Variants in REPS2 observed in about 807,000 individuals in gnomAD.
REPS2 encodes ralBP1-associated Eps domain-containing protein 2.
In REPS2, 23 loss-of-function variants were observed where a neutral mutation model predicts 53.6. The ratio of observed to expected loss-of-function variants is 0.43; its 90% CI spans 0.31 to 0.61. The LOEUF (loss-of-function observed/expected upper bound fraction) is 0.61, where lower values mean the gene tolerates loss of function less well. REPS2 is among the 20% of genes least tolerant of loss of function. REPS2 has a pLI of 0.11. For synonymous variants in REPS2, 238 were observed against 218.6 expected (o/e 1.09, Z -0.78); for missense variants, 446 against 534.9 (o/e 0.83, Z 1.64).
chrX:17,043,035 G>A (rs187412986), intron 5 of REPS2, among the ~76,000 whole-genome samples: 19 of 111,542 alleles, frequency 1.7e-4, no homozygotes, highest in African/African-American at 6.2e-4. Context: ...AGAGTCAAGT[G>A]GTCTGCCTGC....
chrX:17,112,991 C>G (rs1378390897), intron 14 of REPS2, among the ~76,000 whole-genome samples: 1 of 96,836 alleles, frequency 1.0e-5, no homozygotes, highest in Non-Finnish European at 2.0e-5. Flanking sequence ...ACTCGGGAGG[C>G]TGAGGCAGGA....
chrX:16,988,727 C>G (rs1412131426), intron 1 of REPS2, among the ~76,000 whole-genome samples: 1 of 111,276 alleles, frequency 9.0e-6, no homozygotes. Flanking sequence ...TACATTCACT[C>G]AAGAAATACT....
chrX:17,171,815 C>G, the REPS2 span, among the ~76,000 whole-genome samples: 3 of 111,401 alleles, frequency 2.7e-5, no homozygotes, highest in East Asian at 8.4e-4. Context: ...CGTGATCCAC[C>G]GCACCTGGCC....
chrX:17,162,612 C>T, the REPS2 span, among the ~76,000 whole-genome samples: 1 of 112,428 alleles, frequency 8.9e-6, no homozygotes, highest in Non-Finnish European at 1.9e-5. Context: ...TAACCAATGG[C>T]TTATAACAAT....
At chrX:16,968,155 G>C (rs1023427232) in intron 1 of REPS2, among the ~76,000 whole-genome samples, 14 of 111,216 alleles carry the variant, frequency 1.3e-4, no homozygotes, top group Non-Finnish European at 2.6e-4. Flanking sequence ...CACCGGGTTG[G>C]GGGTAAGGTC....
intron 2 of REPS2, among the ~76,000 whole-genome samples, chrX:17,011,573 A>C (rs1670349605): frequency 8.9e-6 from 1 of 112,295 alleles, no homozygotes; most frequent in Admixed American, 9.5e-5. Flanking sequence ...AATGGAAACC[A>C]ATTATACTGA....
At chrX:17,000,041 C>A (rs1007480089) in intron 1 of REPS2, among the ~76,000 whole-genome samples, 3 of 78,758 alleles carry the variant, frequency 3.8e-5, no homozygotes, top group African/African-American at 1.7e-4. Flanking sequence ...AGCGAGACTC[C>A]GTCTCAAAAA....
At position 17,149,859 on chromosome X, in the gene REPS2, T is replaced by C. The variant is rs932350395; in HGVS notation, c.*2378T>C. The C allele has an allele frequency of 9.0e-6, 1 of 111,633 alleles. No homozygotes were observed. The highest frequency in any genetic ancestry group is 9.5e-5 in the Admixed American group (1 of 10,518). The allele number at this position is 111,633 out of a possible 1,213,427, so 9.2% of individuals were successfully genotyped here. A position where few individuals can be genotyped will look rare whatever the true frequency, so the allele number is the denominator to read the frequency against. On this transcript the variant is annotated 3_prime_UTR_variant, in exon 18 of 18. Transcript: ENST00000357277. ...TGCCAGAGTGAGCCAGATTGGGAGGTTGGGGTTTTGTTTGGTTGGCTTGGT... is the reference window on the plus strand; with the variant it reads ...TGCCAGAGTGAGCCAGATTGGGAGGCTGGGGTTTTGTTTGGTTGGCTTGGT...
intron 5 of REPS2, among the ~76,000 whole-genome samples, chrX:17,030,666 C>G (rs1229519583): frequency 8.9e-6 from 1 of 112,157 alleles, no homozygotes; most frequent in Non-Finnish European, 1.9e-5. Flanking sequence ...TAGCCATAGG[C>G]TATTTTTTAT....
chrX:17,121,744 C>T (rs1441734622), intron 14 of REPS2, among the ~76,000 whole-genome samples: 4 of 110,803 alleles, frequency 3.6e-5, no homozygotes, highest in African/African-American at 1.3e-4. Flanking sequence ...CGGAGTCTCA[C>T]TCTGTCGCCC....
intron 5 of REPS2, among the ~76,000 whole-genome samples, chrX:17,045,192 C>G (rs2061890288): frequency 9.5e-6 from 1 of 105,474 alleles, no homozygotes; most frequent in African/African-American, 3.3e-5. Flanking sequence ...CTCAGCCTCC[C>G]AAAGTTCTGG....
At chrX:16,994,916 A>G (rs746490960) in intron 1 of REPS2, among the ~76,000 whole-genome samples, 18 of 112,272 alleles carry the variant, frequency 1.6e-4, no homozygotes, top group African/African-American at 5.8e-4. Flanking sequence ...TGAGAATCTG[A>G]CACTTTTAGC....
intron 4 of REPS2, among the ~76,000 whole-genome samples, chrX:17,027,659 GTTT>G (rs761592588): frequency 1.5e-5 from 1 of 67,283 alleles, no homozygotes; most frequent in East Asian, 6.7e-4. Context: ...AAATCTTTAG[GTTT>G]TTTTTTTTTT....
rs140703797 is a variant in REPS2 at position 17,128,565 on chromosome X, G to C, written c.1579-5259G>C. ...GCCAACACAGCACCTACTACAGTGG[G>C]CCTCCCCGTACCCATGTCCCAAGCA... On this transcript the variant is annotated intron_variant, in intron 14 of 17. Transcript: ENST00000357277. Among the ~76,000 whole-genome samples the C allele has an allele frequency of 6.2e-5, 7 of 112,030 alleles. No individual in the cohort carries two copies. The East Asian group carries it at 2.0e-3, about 31-fold the overall frequency.
chrX:17,003,285 A>G (rs1251161881), intron 1 of REPS2, among the ~76,000 whole-genome samples: 4 of 111,956 alleles, frequency 3.6e-5, no homozygotes, highest in African/African-American at 1.3e-4. Context: ...TTCAAAGATA[A>G]GGTTGGTCTT....
intron 5 of REPS2, among the ~76,000 whole-genome samples, chrX:17,043,509 C>T (rs758432229): frequency 2.8e-5 from 3 of 108,716 alleles, no homozygotes; most frequent in Non-Finnish European, 5.8e-5. Context: ...TTCTTGCCCC[C>T]CCCCCCGGCT....
intron 13 of REPS2, among the ~76,000 whole-genome samples, chrX:17,090,478 C>T (rs1424319895): frequency 9.0e-6 from 1 of 111,687 alleles, no homozygotes; most frequent in Non-Finnish European, 1.9e-5. Flanking sequence ...GTCCTTCCCA[C>T]AACACATGGG....
chrX:17,152,994 T>G lies in REPS2; in HGVS notation c.*5513T>G, dbSNP rs2063583603. 1 of 112,881 alleles carries G rather than the reference T, an allele frequency of 8.9e-6. No individual in the cohort carries two copies. The highest frequency in any genetic ancestry group is 1.9e-5 in the Non-Finnish European group (1 of 53,356). 9.3% of individuals were successfully genotyped at this position (112,881 alleles called of 1,213,427 possible). On this transcript the variant is annotated 3_prime_UTR_variant, in exon 18 of 18. Coordinates refer to ENST00000357277, the MANE Select transcript of REPS2 (RefSeq NM_004726.3). ...AACAGCAAAGTATATATTTGATGCC[T>G]TCTGTCTTTTCATGATAATGTGCTA...
At chrX:17,071,465 G>T (rs775283488) in intron 11 of REPS2, among the ~76,000 whole-genome samples, 1 of 109,757 alleles carries the variant, frequency 9.1e-6, no homozygotes, top group Non-Finnish European at 1.9e-5. Flanking sequence ...CTAGGACATG[G>T]CATCACCAAA....
Sources: gnomAD v4.1 joint callset for allele counts (sites outside exome capture counted in the v4.1 genomes callset) on GRCh38, gnomAD v4.1.1 for gene constraint, MANE v1.5 for transcripts, NCBI Gene and HGNC (gene_info 2026-07-23, HGNC 2026-07-21) for gene names.